Variants in SORBS2 observed in about 807,000 individuals in gnomAD.
The protein encoded by SORBS2 is sorbin and SH3 domain containing 2, also known as sorbin and SH3 domain-containing protein 2.
SORBS2 carries 46 observed loss-of-function variants against 97.7 expected under a neutral mutation model. The observed-to-expected ratio is 0.47, with a 90% CI of 0.37 to 0.60. The LOEUF (loss-of-function observed/expected upper bound fraction) is 0.60, where lower values mean the gene tolerates loss of function less well. SORBS2 is among the 20% of genes least tolerant of loss of function. The pLI is 0.00. For missense variants in SORBS2, 1,316 were observed against 1,282.3 expected, an observed-to-expected ratio of 1.03 and a Z score of -0.40; for synonymous variants, 476 against 473.4, an observed-to-expected ratio of 1.01 and a Z score of -0.07.
intron 2 of SORBS2, among the ~76,000 whole-genome samples, chr4:185,694,851 C>T (rs1304191682): frequency 2.6e-5 from 4 of 151,708 alleles, no homozygotes; most frequent in Admixed American, 6.6e-5. Context: ...GAATTACAGG[C>T]GTGCACCATC....
At chr4:185,876,537 C>T (rs2099233756) in intron 1 of SORBS2, among the ~76,000 whole-genome samples, 1 of 152,168 alleles carries the variant, frequency 6.6e-6, no homozygotes, top group South Asian at 2.1e-4. Context: ...GTCCCTGGTG[C>T]ACTTTGTTTT....
chr4:185,879,217 T>C (rs1321525764), intron 1 of SORBS2, among the ~76,000 whole-genome samples: 5 of 136,586 alleles, frequency 3.7e-5, no homozygotes, highest in African/African-American at 1.4e-4. Context: ...CCCCTTCCTG[T>C]GTCCATGTGT....
chr4:185,859,018 T>C (rs2099222215), intron 1 of SORBS2, among the ~76,000 whole-genome samples: 2 of 152,204 alleles, frequency 1.3e-5, no homozygotes, highest in Admixed American at 6.5e-5. Flanking sequence ...ATAATGAGTA[T>C]ATACAAGGTT....
intron 2 of SORBS2, among the ~76,000 whole-genome samples, chr4:185,682,095 C>T (rs1260103171): frequency 6.6e-6 from 1 of 152,094 alleles, no homozygotes; most frequent in East Asian, 1.9e-4. Flanking sequence ...TTATTTTCTT[C>T]ATTTATTCTC....
At chr4:185,662,321 G>C in intron 4 of SORBS2, 79 bp from the exon 8 acceptor site, 2 of 1,409,852 alleles carry the variant, frequency 1.4e-6, no homozygotes, top group South Asian at 1.3e-5. Context: ...GATAATAAAA[G>C]ACTTCCAATC....
chr4:185,882,639 C>T (rs55926227), intron 1 of SORBS2, among the ~76,000 whole-genome samples: 41,709 of 151,918 alleles, frequency 0.27, 5,980 homozygotes, highest in East Asian at 0.54. Flanking sequence ...CAAACAAATT[C>T]TTAAAAGACT....
intron 1 of SORBS2, among the ~76,000 whole-genome samples, chr4:185,799,562 T>C (rs1473314645): frequency 6.6e-6 from 1 of 151,986 alleles, no homozygotes; most frequent in Non-Finnish European, 1.5e-5. Context: ...CCCTGAAGAG[T>C]GGCAGAAGCA....
At chr4:185,851,128 C>T (rs1445046517) in intron 1 of SORBS2, among the ~76,000 whole-genome samples, 1 of 152,162 alleles carries the variant, frequency 6.6e-6, no homozygotes, top group Non-Finnish European at 1.5e-5. Context: ...ATGTATAAAA[C>T]ATATATTCTC....
chr4:185,713,185 T>C (rs2098438375), intron 2 of SORBS2, among the ~76,000 whole-genome samples: 1 of 152,230 alleles, frequency 6.6e-6, no homozygotes, highest in South Asian at 2.1e-4. Context: ...TCCTCCAGCC[T>C]CTAATGAGGC....
intron 1 of SORBS2, among the ~76,000 whole-genome samples, chr4:185,823,731 C>A (rs951794093): frequency 1.3e-5 from 2 of 152,148 alleles, no homozygotes; most frequent in Admixed American, 1.3e-4. Context: ...ATTAGTCACA[C>A]ATCACAGTCA....
At chr4:185,883,983 G>GA (rs2099238114) in intron 1 of SORBS2, among the ~76,000 whole-genome samples, 1 of 152,190 alleles carries the variant, frequency 6.6e-6, no homozygotes, top group Non-Finnish European at 1.5e-5. Context: ...AGACTTTCTG[G>GA]AAAAAGCAAA....
At chr4:185,602,824 A>C (rs2096294553) in intron 12 of SORBS2, among the ~76,000 whole-genome samples, 1 of 152,236 alleles carries the variant, frequency 6.6e-6, no homozygotes, top group African/African-American at 2.4e-5. Flanking sequence ...TTTGTACTTA[A>C]ATTTACAAGC....
chr4:185,794,254 G>A (rs1419699439), intron 1 of SORBS2, among the ~76,000 whole-genome samples: 1 of 152,154 alleles, frequency 6.6e-6, no homozygotes, highest in African/African-American at 2.4e-5. Flanking sequence ...GAAAGAGAGT[G>A]GAGAGATGGA....
At position 185,606,595 on chromosome 4, in the gene SORBS2, G is replaced by A. The variant is rs1347989814; in HGVS notation, c.2796+5185C>T. Reference sequence around the variant, plus strand: ...ACAAAATTAAAATACCTCATTACTGGGTTTTGCTGCATTGCTGTCCTCCTT... The same window carrying A: ...ACAAAATTAAAATACCTCATTACTGAGTTTTGCTGCATTGCTGTCCTCCTT... On this transcript the variant is annotated intron_variant, in intron 12 of 14. Coordinates refer to ENST00000418609, the Ensembl canonical transcript of SORBS2. The surrounding 1 kb of genome is among the most constrained non-coding windows in gnomAD (Gnocchi z 4.3). 1.0e-6 allele frequency: 1 copy of A among 985,150 alleles called. No individual in the cohort carries two copies. Among genetic ancestry groups the A allele is most frequent in the East Asian group, 1.1e-4 (1 of 8,812 alleles). 61.0% of individuals were successfully genotyped at this position (985,150 alleles called of 1,614,324 possible).
intron 4 of SORBS2, among the ~76,000 whole-genome samples, chr4:185,633,801 A>G (rs1379687414): frequency 6.6e-6 from 1 of 151,186 alleles, no homozygotes; most frequent in Admixed American, 6.6e-5. Flanking sequence ...TTTTTTTTTA[A>G]CTGAAAAATG....
At chr4:185,924,636 A>T (rs1391886687) in intron 1 of SORBS2, among the ~76,000 whole-genome samples, 1 of 152,180 alleles carries the variant, frequency 6.6e-6, no homozygotes, top group Non-Finnish European at 1.5e-5. Flanking sequence ...TTAAAAGACT[A>T]GGGTGGGAGG....
At chr4:185,881,262 T>C (rs35820308) in intron 1 of SORBS2, among the ~76,000 whole-genome samples, 41,808 of 151,836 alleles carry the variant, frequency 0.28, 6,029 homozygotes, top group East Asian at 0.55. Context: ...AGTGAAAGCA[T>C]GGGAAAGGAG....
At chr4:185,664,981 T>C (rs1194657034) in intron 4 of SORBS2, among the ~76,000 whole-genome samples, 1 of 152,206 alleles carries the variant, frequency 6.6e-6, no homozygotes, top group Non-Finnish European at 1.5e-5. Flanking sequence ...TGAAACATTT[T>C]AGCCATTCAC....
chr4:185,854,785 A>AAGAGAGAGAG lies in SORBS2; in HGVS notation c.-337-79429_-337-79420dup, dbSNP rs10560938. On this transcript the variant is annotated intron_variant, in intron 1 of 20. Transcript: ENST00000284776. ...AGAAGCTGCACAAAGAGAAATAGAG[A>AAGAGAGAGAG]AGAGAGAGAGAGAGAGAGAGAGAGA... Among the ~76,000 whole-genome samples the AAGAGAGAGAG allele has an allele frequency of 3.9e-3, 579 of 149,752 alleles. 3 individuals are homozygous for AAGAGAGAGAG. Among genetic ancestry groups the AAGAGAGAGAG allele is most frequent in the Middle Eastern group, 0.014 (4 of 288 alleles).
Sources: gnomAD v4.1 joint callset for allele counts (sites outside exome capture counted in the v4.1 genomes callset) on GRCh38, gnomAD v4.1.1 for gene constraint, Gnocchi (gnomAD v3.1) non-coding constraint, MANE v1.5 for transcripts, NCBI Gene and HGNC (gene_info 2026-07-23, HGNC 2026-07-21) for gene names.